Variants in DDX60 observed in about 807,000 individuals in gnomAD.
DDX60 encodes the protein DExD/H-box helicase 60.
In DDX60, 165 loss-of-function variants were observed where a neutral mutation model predicts 212.8. The ratio of observed to expected loss-of-function variants is 0.78; its 90% CI spans 0.68 to 0.88. The LOEUF (loss-of-function observed/expected upper bound fraction) is 0.88, where lower values mean the gene tolerates loss of function less well. Among genes scored for constraint, DDX60 ranks in the 40% least tolerant of loss-of-function variants. The probability of loss-of-function intolerance (pLI) is 0.00; values close to 1 mark genes in which losing one functional copy is unlikely to be tolerated. For synonymous variants in DDX60, 703 were observed against 685.3 expected, an observed-to-expected ratio of 1.03 and a Z score of -0.40; for missense variants, 1,905 against 2,003.9, an observed-to-expected ratio of 0.95 and a Z score of 0.94.
At chr4:168,246,068 A>AT (rs1188670519) in intron 30 of DDX60, among the ~76,000 whole-genome samples, 2 of 152,062 alleles carry the variant, frequency 1.3e-5, no homozygotes, top group African/African-American at 2.4e-5. Flanking sequence ...AAAAATAAAT[A>AT]TTTTTTTCTT....
chr4:168,222,783 T>C (rs1733107842), intron 35 of DDX60, among the ~76,000 whole-genome samples: 1 of 152,030 alleles, frequency 6.6e-6, no homozygotes, highest in Non-Finnish European at 1.5e-5. Context: ...AGAAAATCAA[T>C]ACCTAAGAGA....
intron 18 of DDX60, among the ~76,000 whole-genome samples, chr4:168,272,544 T>A (rs1045468035): frequency 6.6e-6 from 1 of 152,240 alleles, no homozygotes; most frequent in African/African-American, 2.4e-5. Flanking sequence ...GAAGCCTAAC[T>A]GCAAGGCAGG....
At chr4:168,248,074 C>T (rs1734082078) in intron 29 of DDX60, 114 bp downstream of exon 29, 1 of 602,160 alleles carries the variant, frequency 1.7e-6, no homozygotes, top group Admixed American at 3.8e-5. Context: ...GGATGAATGT[C>T]CAGTTATGCT....
At chr4:168,223,177 G>A (rs1733124121) in intron 35 of DDX60, among the ~76,000 whole-genome samples, 1 of 152,038 alleles carries the variant, frequency 6.6e-6, no homozygotes, top group South Asian at 2.1e-4. Flanking sequence ...TGAAACGTGG[G>A]AGGAGTACAC....
chr4:168,316,793 A>T (rs1737401667), intron 1 of DDX60, among the ~76,000 whole-genome samples: 1 of 150,538 alleles, frequency 6.6e-6, no homozygotes, highest in Non-Finnish European at 1.5e-5. Flanking sequence ...CTCCCAGCCA[A>T]AAAAAAAAGA....
chr4:168,284,953 G>A lies in DDX60; in HGVS notation c.1446-18C>T, dbSNP rs773002007. On this transcript the variant is annotated intron_variant, in intron 11 of 37. Transcript: ENST00000393743. ...GATCATCACTGTGAGACAAAAAAAG[G>A]CATATTTTAAATTGCACACTTCCAA... 3.0e-6 allele frequency: 4 copies of A among 1,335,156 alleles called. No homozygotes were observed. The highest frequency in any genetic ancestry group is 2.9e-5 in the African/African-American group (2 of 68,376). 82.7% of individuals were successfully genotyped at this position (1,335,156 alleles called of 1,614,324 possible).
chr4:168,314,072 G>T (rs891078066), intron 1 of DDX60, among the ~76,000 whole-genome samples: 1 of 152,004 alleles, frequency 6.6e-6, no homozygotes, highest in Non-Finnish European at 1.5e-5. Context: ...CATAGGACAG[G>T]GTATGCAAGA....
chr4:168,282,291 T>C (rs995555260), intron 13 of DDX60, among the ~76,000 whole-genome samples: 6 of 152,138 alleles, frequency 3.9e-5, no homozygotes, highest in Non-Finnish European at 7.4e-5. Flanking sequence ...TTTTTGAAGT[T>C]ATCCTGAGTA....
chr4:168,290,227 C>T (rs773452685), intron 8 of DDX60, among the ~76,000 whole-genome samples: 22 of 152,126 alleles, frequency 1.4e-4, no homozygotes, highest in Non-Finnish European at 2.9e-4. Flanking sequence ...TCACGCCCTA[C>T]AATCCAGTTT....
At chr4:168,272,721 C>T (rs962902294) in intron 18 of DDX60, among the ~76,000 whole-genome samples, 3 of 152,206 alleles carry the variant, frequency 2.0e-5, no homozygotes, top group Middle Eastern at 3.2e-3. Context: ...TGGCATCTAT[C>T]TTAACCACAC....
At chr4:168,217,740 C>G (rs1044846721) in intron 37 of DDX60, among the ~76,000 whole-genome samples, 1 of 152,036 alleles carries the variant, frequency 6.6e-6, no homozygotes, top group Non-Finnish European at 1.5e-5. Context: ...GTCTACGAAC[C>G]ATTGCTGGCT....
At chr4:168,295,833 G>A (rs542603465) in intron 6 of DDX60, among the ~76,000 whole-genome samples, 318 of 152,186 alleles carry the variant, frequency 2.1e-3, no homozygotes, top group Middle Eastern at 3.4e-3. Flanking sequence ...CATTTAAAAC[G>A]GGGGGAAATC....
At chr4:168,261,022 C>T (rs1327028152) in intron 24 of DDX60, 33 bp from the exon 25 acceptor site, 2 of 1,573,606 alleles carry the variant, frequency 1.3e-6, no homozygotes, top group African/African-American at 1.4e-5. Context: ...ATTTTAAGTT[C>T]TGCATGAGAA....
rs182105037 is a variant in DDX60 at position 168,287,282 on chromosome 4, A to C, written c.1184-79T>G. ...GAATCATTAGTCACATTTTGAGTAA[A>C]TTCATGGAATTCTGAAATACTTTCC... is the stretch of plus-strand genomic sequence containing the variant. On this transcript the variant is annotated intron_variant, in intron 9 of 37. Coordinates refer to ENST00000393743, the MANE Select transcript of DDX60 (RefSeq NM_017631.6). The C allele has an allele frequency of 1.4e-4, 183 of 1,291,608 alleles. 1 individual carries two copies. In the Admixed American group the frequency reaches 1.4e-3, roughly 10 times the overall value. 80.0% of individuals were successfully genotyped at this position (1,291,608 alleles called of 1,614,324 possible). A position where few individuals can be genotyped will look rare whatever the true frequency, so the allele number is the denominator to read the frequency against.
chr4:168,320,354 G>A (rs1321480203), upstream of DDX60, among the ~76,000 whole-genome samples: 1 of 152,188 alleles, frequency 6.6e-6, no homozygotes, highest in Non-Finnish European at 1.5e-5. Context: ...GATAGAAACA[G>A]TCAGTGACAG....
At chr4:168,270,814 T>C (rs1560843637) in intron 19 of DDX60, among the ~76,000 whole-genome samples, 1 of 151,978 alleles carries the variant, frequency 6.6e-6, no homozygotes. Context: ...TCAAAGAATA[T>C]ATCTTTCTAT....
chr4:168,315,306 G>A (rs1369655097), intron 1 of DDX60, among the ~76,000 whole-genome samples: 2 of 152,092 alleles, frequency 1.3e-5, no homozygotes, highest in South Asian at 2.1e-4. Flanking sequence ...ATTTCTAAAG[G>A]GAAAATAATT....
At chr4:168,265,864 A>AGGGAAGGGAT (rs1734824438) in intron 22 of DDX60, among the ~76,000 whole-genome samples, 1 of 138,134 alleles carries the variant, frequency 7.2e-6, no homozygotes, top group Non-Finnish European at 1.6e-5. Flanking sequence ...AGGGAAGGGA[A>AGGGAAGGGAT]GGGAAGGGAA....
intron 28 of DDX60, among the ~76,000 whole-genome samples, chr4:168,249,048 C>T (rs1578997520): frequency 6.6e-6 from 1 of 152,192 alleles, no homozygotes; most frequent in Admixed American, 6.5e-5. Context: ...GCGTGAGCCA[C>T]TGCGCCAGGC....
Sources: gnomAD v4.1 joint callset for allele counts (sites outside exome capture counted in the v4.1 genomes callset) on GRCh38, gnomAD v4.1.1 for gene constraint, MANE v1.5 for transcripts, NCBI Gene and HGNC (gene_info 2026-07-23, HGNC 2026-07-21) for gene names.